The following TMEM132C variants were observed in gnomAD, a reference collection of about 807,000 sequenced individuals.
The protein encoded by TMEM132C is protein phosphatase 1, regulatory subunit 152.
In TMEM132C, 29 loss-of-function variants were observed where a neutral mutation model predicts 61.4. The ratio of observed to expected loss-of-function variants is 0.47; its 90% CI spans 0.35 to 0.64. The LOEUF is 0.64. TMEM132C is among the 30% of genes least tolerant of loss of function. The pLI is 0.00. For missense variants in TMEM132C, 1,408 were observed against 1,476.9 expected (o/e 0.95, Z 0.76); for synonymous variants, 656 against 633.1 (o/e 1.04, Z -0.54).
chr12:128,664,803 C>CG (rs11454963), intron 4 of TMEM132C, among the ~76,000 whole-genome samples: 9,631 of 152,206 alleles, frequency 0.063, 882 homozygotes, highest in African/African-American at 0.21. Flanking sequence ...CTTGGTCCCG[C>CG]GGGGGTTTAG....
chr12:128,418,996 C>G (rs12371521), intron 2 of TMEM132C, among the ~76,000 whole-genome samples: 51,363 of 151,998 alleles, frequency 0.34, 10,405 homozygotes, highest in Non-Finnish European at 0.45. Flanking sequence ...TCTGTATCAT[C>G]AATGCAATGT....
chr12:128,536,934 A>C (rs1873554591), intron 2 of TMEM132C, among the ~76,000 whole-genome samples: 1 of 152,230 alleles, frequency 6.6e-6, no homozygotes, highest in Admixed American at 6.5e-5. Context: ...GCCTCCAGCC[A>C]GAAGCAAGAA....
intron 3 of TMEM132C, among the ~76,000 whole-genome samples, chr12:128,548,756 G>C (rs1186961493): frequency 6.6e-6 from 1 of 152,152 alleles, no homozygotes; most frequent in South Asian, 2.1e-4. Flanking sequence ...GATTCTTTTA[G>C]TGGAAGATTG....
chr12:128,410,415 G>T (rs960573213), intron 1 of TMEM132C, among the ~76,000 whole-genome samples: 3 of 151,982 alleles, frequency 2.0e-5, no homozygotes, highest in Non-Finnish European at 2.9e-5. Flanking sequence ...TTGTATGTAT[G>T]TATTTTGAGA....
At position 128,464,101 on chromosome 12, in the gene TMEM132C, A is replaced by G. The variant is rs539669655; in HGVS notation, c.974+48481A>G. 2.0e-5 allele frequency among the ~76,000 whole-genome samples: 3 copies of G among 152,214 alleles called. No homozygotes were observed. The South Asian group carries it at 6.2e-4, about 32-fold the overall frequency. ...TGTCCCCAAGCTAAGTTCTGTCTAG[A>G]CACCTAATCTCCTGATGTCACGTCA... On this transcript the variant is annotated intron_variant, in intron 2 of 8. Coordinates refer to ENST00000435159, the MANE Select transcript of TMEM132C (RefSeq NM_001136103.3).
intron 5 of TMEM132C, among the ~76,000 whole-genome samples, chr12:128,679,219 CAG>C (rs1264047224): frequency 1.3e-5 from 2 of 152,246 alleles, no homozygotes; most frequent in African/African-American, 2.4e-5. Flanking sequence ...CTGTTCAAAG[CAG>C]AGAGTTCTCC....
chr12:128,283,480 T>C (rs1188557680), intron 1 of TMEM132C, among the ~76,000 whole-genome samples: 1 of 151,880 alleles, frequency 6.6e-6, no homozygotes, highest in Non-Finnish European at 1.5e-5. Flanking sequence ...CTTTCTCTCT[T>C]CCTCTCTCAT....
At chr12:128,381,051 A>G (rs1420290886) in intron 1 of TMEM132C, among the ~76,000 whole-genome samples, 1 of 152,238 alleles carries the variant, frequency 6.6e-6, no homozygotes, top group African/African-American at 2.4e-5. Context: ...TGAAACAGCA[A>G]AATCGCCAAA....
intron 1 of TMEM132C, among the ~76,000 whole-genome samples, chr12:128,406,410 G>T (rs916851766): frequency 6.6e-6 from 1 of 152,200 alleles, no homozygotes; most frequent in Non-Finnish European, 1.5e-5. Flanking sequence ...GGAGCTTCCA[G>T]TCTGTTAGGG....
chr12:128,268,870 G>C (rs1870410227), intron 1 of TMEM132C, among the ~76,000 whole-genome samples: 1 of 136,548 alleles, frequency 7.3e-6, no homozygotes, highest in African/African-American at 2.7e-5. Flanking sequence ...AGGTAGGGAG[G>C]AGGGTGGGGT....
At chr12:128,502,325 GAT>G (rs1872210014) in intron 2 of TMEM132C, among the ~76,000 whole-genome samples, 2 of 152,236 alleles carry the variant, frequency 1.3e-5, no homozygotes, top group African/African-American at 4.8e-5. Flanking sequence ...AGAAGACCGA[GAT>G]GTGTGTGTGC....
intron 1 of TMEM132C, among the ~76,000 whole-genome samples, chr12:128,374,574 T>A (rs2630222): frequency 3.9e-5 from 6 of 151,932 alleles, no homozygotes; most frequent in Admixed American, 6.5e-5. Context: ...TTCCACTTGG[T>A]GTCTTTTGCA....
chr12:128,472,380 T>C (rs1004227808), intron 2 of TMEM132C, among the ~76,000 whole-genome samples: 1 of 152,318 alleles, frequency 6.6e-6, no homozygotes, highest in African/African-American at 2.4e-5. Flanking sequence ...GAGACCCTCT[T>C]CCATGCAAGA....
chr12:128,474,487 G>C (rs1252401509), intron 2 of TMEM132C, among the ~76,000 whole-genome samples: 2 of 152,192 alleles, frequency 1.3e-5, no homozygotes, highest in African/African-American at 4.8e-5. Flanking sequence ...CCAAATGCCA[G>C]ATGGGGCAGC....
chr12:128,418,267 C>G (rs576746456), intron 2 of TMEM132C, among the ~76,000 whole-genome samples: 4 of 152,308 alleles, frequency 2.6e-5, no homozygotes, highest in African/African-American at 9.6e-5. Context: ...AGGGAACAAA[C>G]AAACCATCTG....
At chr12:128,521,242 A>G (rs1327797883) in intron 2 of TMEM132C, among the ~76,000 whole-genome samples, 1 of 152,158 alleles carries the variant, frequency 6.6e-6, no homozygotes, top group East Asian at 1.9e-4. Flanking sequence ...GGGAACACAC[A>G]TATTGTTATA....
intron 2 of TMEM132C, among the ~76,000 whole-genome samples, chr12:128,536,384 C>T (rs1873527344): frequency 6.6e-6 from 1 of 151,900 alleles, no homozygotes; most frequent in South Asian, 2.1e-4. Flanking sequence ...CACACCAGGG[C>T]CTGTCATGGG....
chr12:128,490,413 T>C (rs114303856), intron 2 of TMEM132C, among the ~76,000 whole-genome samples: 2,131 of 152,042 alleles, frequency 0.014, 52 homozygotes, highest in African/African-American at 0.049. Flanking sequence ...TGAAGCAAAT[T>C]CCCCCCTTCC....
chr12:128,562,511 C>A (rs1874557992), intron 3 of TMEM132C, among the ~76,000 whole-genome samples: 2 of 152,098 alleles, frequency 1.3e-5, no homozygotes, highest in African/African-American at 4.8e-5. Context: ...ATTTTCTCAC[C>A]AGGGGTGTGT....
Sources: gnomAD v4.1 joint callset for allele counts (sites outside exome capture counted in the v4.1 genomes callset) on GRCh38, gnomAD v4.1.1 for gene constraint, MANE v1.5 for transcripts, NCBI Gene and HGNC (gene_info 2026-07-23, HGNC 2026-07-21) for gene names.